Variants in PAPPA2 observed in about 807,000 individuals in gnomAD.
PAPPA2 encodes the protein pappalysin 2.
In PAPPA2, 86 loss-of-function variants were observed where a neutral mutation model predicts 176.4. The observed-to-expected ratio is 0.49, with a 90% CI of 0.41 to 0.58. The LOEUF (loss-of-function observed/expected upper bound fraction) is 0.58. PAPPA2 is among the 20% of genes least tolerant of loss of function. The pLI is 0.00. For synonymous variants in PAPPA2, 809 were observed against 852.2 expected (o/e 0.95, Z 0.88); for missense variants, 2,073 against 2,256.9 (o/e 0.92, Z 1.65).
rs79264810 is a variant in PAPPA2, at chr1:176,670,236, A to T, written c.1992-734A>T. On this transcript the variant is annotated intron_variant, in intron 3 of 22. Transcript: ENST00000367662. ...ATGTTTGTTTCCTTTTTTATAAGCC[A>T]CAAGTCATGTGTTTTTAATAGACCT... is the stretch of plus-strand genomic sequence containing the variant. Among the ~76,000 whole-genome samples, 776 of 152,360 alleles carry T rather than the reference A, an allele frequency of 5.1e-3. 13 individuals carry two copies. Among genetic ancestry groups the T allele is most frequent in the African/African-American group, 0.017 (706 of 41,596 alleles).
intron 17 of PAPPA2, among the ~76,000 whole-genome samples, chr1:176,781,019 A>T (rs1178672312): frequency 6.6e-6 from 1 of 152,202 alleles, no homozygotes; most frequent in Non-Finnish European, 1.5e-5. Context: ...ATTTGGCAGA[A>T]AAATCTGTTG....
At chr1:176,610,476 G>C (rs184215600) in intron 3 of PAPPA2, among the ~76,000 whole-genome samples, 1 of 152,276 alleles carries the variant, frequency 6.6e-6, no homozygotes, top group African/African-American at 2.4e-5. Context: ...GTGGCTGTAA[G>C]CTTCATGTGA....
At chr1:176,799,401 A>G (rs984749254) in intron 20 of PAPPA2, among the ~76,000 whole-genome samples, 2 of 152,232 alleles carry the variant, frequency 1.3e-5, no homozygotes, top group Non-Finnish European at 2.9e-5. Context: ...GATGAACGTA[A>G]CTGCGCTCCC....
chr1:176,509,860 AAAAAAAAACAAC>A (rs1648483111), intron 1 of PAPPA2, among the ~76,000 whole-genome samples: 1 of 116,116 alleles, frequency 8.6e-6, no homozygotes, highest in Non-Finnish European at 1.9e-5. Flanking sequence ...ACAAACAAAC[AAAAAAAAACAAC>A]AAAAAAAACA....
chr1:176,654,753 T>TAATTTATA (rs1657932319), intron 3 of PAPPA2, among the ~76,000 whole-genome samples: 1 of 151,698 alleles, frequency 6.6e-6, no homozygotes. Context: ...ATTTTATACA[T>TAATTTATA]CAGTATTTCA....
chr1:176,706,374 G>A lies in PAPPA2; in HGVS notation c.3381G>A (p.Glu1127=), dbSNP rs1445982415. 1 of 1,613,782 alleles carries A rather than the reference G, an allele frequency of 6.2e-7. No individual in the cohort carries two copies. Among genetic ancestry groups the A allele is most frequent in the South Asian group, 1.1e-5 (1 of 91,074 alleles). ...TACCCTCTAGGAGACTGGGAGAAGA[G>A]TGTGATGATGGAGACCTTGTGAGCG... The part of the protein sequence containing the change: ...DGKVSERLGE[E]CDDGDLVSGD... Residue 1127 remains glutamate (E), a synonymous_variant, in exon 10 of 23, where the codon GAG becomes GAA. Transcript: ENST00000367662.
At position 176,771,192 on chromosome 1, in the gene PAPPA2, G is replaced by A. The variant is rs1664208713; in HGVS notation, c.4715+12G>A. The A allele has an allele frequency of 6.2e-7, 1 of 1,611,564 alleles. No homozygotes were observed. The highest frequency in any genetic ancestry group is 8.5e-7 in the Non-Finnish European group (1 of 1,177,722). ...GGTAAAGTCAGGAAGTAAGTTGAATGTTCCTGGTCTTTGGAGTTCTACCTA... is the reference window on the plus strand; with the variant it reads ...GGTAAAGTCAGGAAGTAAGTTGAATATTCCTGGTCTTTGGAGTTCTACCTA... On this transcript the variant is annotated intron_variant, in intron 17 of 22. Transcript: ENST00000367662.
intron 3 of PAPPA2, among the ~76,000 whole-genome samples, chr1:176,632,228 GA>G (rs1470712919): frequency 1.5e-5 from 2 of 137,772 alleles, no homozygotes; most frequent in African/African-American, 6.2e-5. Flanking sequence ...AATTAGTAGT[GA>G]TGTGTGTGTG....
chr1:176,755,064 G>C (rs1436425082), intron 14 of PAPPA2, among the ~76,000 whole-genome samples: 1 of 152,104 alleles, frequency 6.6e-6, no homozygotes, highest in Non-Finnish European at 1.5e-5. Context: ...CATCAGTGTT[G>C]CAAGGCTCCA....
chr1:176,788,429 T>C (rs1665035737), intron 17 of PAPPA2, among the ~76,000 whole-genome samples: 1 of 152,180 alleles, frequency 6.6e-6, no homozygotes, highest in Non-Finnish European at 1.5e-5. Context: ...TATTTAACCT[T>C]AAAAGGGGTG....
At chr1:176,712,568 C>A (rs1661193433) in intron 12 of PAPPA2, among the ~76,000 whole-genome samples, 1 of 152,126 alleles carries the variant, frequency 6.6e-6, no homozygotes, top group South Asian at 2.1e-4. Flanking sequence ...AATACACCAC[C>A]ATATATTTAA....
chr1:176,833,314 G>A (rs1173191905), intron 21 of PAPPA2, among the ~76,000 whole-genome samples: 2 of 152,184 alleles, frequency 1.3e-5, no homozygotes, highest in Non-Finnish European at 2.9e-5. Context: ...TCCCAAGTGA[G>A]CCAAGCTACC....
At chr1:176,659,042 TTAAAC>T (rs1194388066) in intron 3 of PAPPA2, among the ~76,000 whole-genome samples, 3 of 151,946 alleles carry the variant, frequency 2.0e-5, no homozygotes, top group African/African-American at 4.8e-5. Flanking sequence ...TAGCTATAGT[TTAAAC>T]TAAGCAACTA....
Position 176,718,312 on chromosome 1 carries a change from C to G in PAPPA2, c.3798+6331C>G, listed in dbSNP as rs1239704699. ...GCTATTGTTAATTTGTGGCTTGTCT[C>G]TTTTATTTTTACTGCTCAGTCTTGC... On this transcript the variant is annotated intron_variant, in intron 12 of 22. Transcript: ENST00000367662. 2.6e-5 allele frequency among the ~76,000 whole-genome samples: 4 copies of G among 151,952 alleles called. No homozygotes were observed. The East Asian group carries it at 7.7e-4, about 29-fold the overall frequency.
intron 1 of PAPPA2, among the ~76,000 whole-genome samples, chr1:176,525,554 C>G (rs79390298): frequency 0.016 from 2,446 of 152,170 alleles, 31 homozygotes; most frequent in Non-Finnish European, 0.023. Flanking sequence ...ACCTGGAGAA[C>G]ATTAAAAAAA....
intron 14 of PAPPA2, among the ~76,000 whole-genome samples, chr1:176,758,853 A>T (rs1206936869): frequency 6.6e-6 from 1 of 152,152 alleles, no homozygotes; most frequent in Admixed American, 6.5e-5. Context: ...CTCCCACCCC[A>T]ATACCACCAT....
chr1:176,653,249 T>C (rs1368698908), intron 3 of PAPPA2, among the ~76,000 whole-genome samples: 1 of 151,718 alleles, frequency 6.6e-6, no homozygotes, highest in African/African-American at 2.4e-5. Flanking sequence ...CATCATCTCA[T>C]TCAGCACTCT....
rs142119381 is a variant in PAPPA2 at position 176,667,012 on chromosome 1, G to A, written c.1992-3958G>A. Among the ~76,000 whole-genome samples the A allele has an allele frequency of 6.2e-3, 945 of 152,202 alleles. 14 individuals are homozygous for A. Among genetic ancestry groups the A allele is most frequent in the African/African-American group, 0.021 (868 of 41,540 alleles). On this transcript the variant is annotated intron_variant, in intron 3 of 22. Transcript: ENST00000367662. ...TGTAATCCCAGCACTTTGGGAGGCC[G>A]AGGCGGGCAGATCATCTGAGGTCAG... is the stretch of plus-strand genomic sequence containing the variant.
In PAPPA2 at chr1:176,542,087, G is replaced by A. The variant is rs113584533; in HGVS notation, c.-916-13320G>A. On this transcript the variant is annotated intron_variant, in intron 1 of 22. Coordinates refer to ENST00000367662, the MANE Select transcript of PAPPA2 (RefSeq NM_020318.3). ...GTCTTTTAATCTAGTTGTGTCAGAA[G>A]TATTTACACATGAACATTTTTATTA... Among the ~76,000 whole-genome samples, 453 of 152,258 alleles carry A rather than the reference G, an allele frequency of 3.0e-3. 2 individuals carry two copies. Among genetic ancestry groups the A allele is most frequent in the African/African-American group, 0.01 (419 of 41,540 alleles).
Sources: gnomAD v4.1 joint callset for allele counts (sites outside exome capture counted in the v4.1 genomes callset) on GRCh38, gnomAD v4.1.1 for gene constraint, MANE v1.5 for transcripts, NCBI Gene and HGNC (gene_info 2026-07-23, HGNC 2026-07-21) for gene names.